Variants in RTTN observed in about 807,000 individuals in gnomAD.
RTTN encodes rotatin.
Under a neutral mutation model 269.2 loss-of-function variants are expected in RTTN, and 182 were observed. The ratio of observed to expected loss-of-function variants is 0.68; its 90% CI spans 0.60 to 0.76. The LOEUF is 0.76. Among genes scored for constraint, RTTN ranks in the 30% least tolerant of loss-of-function variants. RTTN has a pLI of 0.00. For synonymous variants in RTTN, 1,006 were observed against 963.5 expected, an observed-to-expected ratio of 1.04 and a Z score of -0.82; for missense variants, 2,545 against 2,608.6, an observed-to-expected ratio of 0.98 and a Z score of 0.53.
chr18:70,108,120 G>T (rs4891807), intron 28 of RTTN, among the ~76,000 whole-genome samples: 126,308 of 152,032 alleles, frequency 0.83, 55,585 homozygotes, highest in East Asian at 1. Flanking sequence ...CTACTAAAAA[G>T]ACAAAAATTA....
chr18:70,156,381 A>G (rs2060676722), intron 14 of RTTN, among the ~76,000 whole-genome samples: 1 of 152,044 alleles, frequency 6.6e-6, no homozygotes, highest in Admixed American at 6.5e-5. Context: ...CCATCTAATA[A>G]ATTTTGGTCA....
At chr18:70,142,147 C>T in intron 19 of RTTN, 141 bp downstream of exon 19, 1 of 582,840 alleles carries the variant, frequency 1.7e-6, no homozygotes, top group Non-Finnish European at 3.0e-6. Context: ...ATGCAAAAAC[C>T]ATTCTTGAGG....
At position 70,169,061 on chromosome 18, in the gene RTTN, C is replaced by T. The variant is rs200326656; in HGVS notation, c.1483G>A (p.Glu495Lys). The T allele has an allele frequency of 3.9e-5, 61 of 1,581,156 alleles. No homozygotes were observed. In the Admixed American group the frequency reaches 4.6e-4, roughly 12 times the overall value. Residue 495 changes from glutamate (E) to lysine (K), a missense_variant, in exon 12 of 49, where the codon GAG (glutamate) becomes AAG (lysine). Glu to Lys is a moderately conservative substitution (Grantham distance 56, BLOSUM62 1). Transcript: ENST00000640769. ...QTLLPVEKASEFLSEPMSTAL... is the reference protein window; with the variant it reads ...QTLLPVEKASKFLSEPMSTAL... ...GTTGACATAGGCTCTGATAAAAACT[C>T]GCTTGCCTTGGTGAATTAAAAAAAC...
chr18:70,013,781 C>T (rs187345175), intron 46 of RTTN, among the ~76,000 whole-genome samples: 6 of 152,212 alleles, frequency 3.9e-5, no homozygotes, highest in Admixed American at 2.6e-4. Flanking sequence ...GTTATGGTGA[C>T]ATTAATGTCT....
chr18:70,075,620 G>A (rs907539298), intron 32 of RTTN, 79 bp from the exon 33 acceptor site: 10 of 1,187,988 alleles, frequency 8.4e-6, no homozygotes, highest in African/African-American at 6.3e-5. Context: ...GTCTCCTCTC[G>A]AGGAAACAAA....
chr18:70,028,770 G>T lies in RTTN; in HGVS notation c.5777C>A (p.Ala1926Asp). Residue 1926 changes from alanine (A) to aspartate (D), a missense_variant, in exon 43 of 49, where the codon GCC becomes GAC. Transcript: ENST00000640769. ...EDGVIKELSI[A>D]MQLLRNCLYQ... ...AAGACAGTTTCTTAGGAGCTGCATG[G>T]CAATGCTTAACTCTTTAATAACACC... 1 of 1,611,692 alleles carries T rather than the reference G, an allele frequency of 6.2e-7. No homozygotes were observed. The highest frequency in any genetic ancestry group is 8.5e-7 in the Non-Finnish European group (1 of 1,178,514).
rs76571197 is a variant in RTTN, at chr18:70,107,364, C to T, written c.3903+2134G>A. ...TGTTCCAGAAGGATCACAGGAAATT[C>T]TGCCAAGATTTAGATTGGCTGTAGT... On this transcript the variant is annotated intron_variant, in intron 28 of 48. Coordinates refer to ENST00000640769, the MANE Select transcript of RTTN (RefSeq NM_173630.4). Among the ~76,000 whole-genome samples, 62 of 152,336 alleles carry T rather than the reference C, an allele frequency of 4.1e-4. 1 individual carries two copies. The highest frequency in any genetic ancestry group is 1.4e-3 in the African/African-American group (58 of 41,574).
intron 4 of RTTN, 24 bp from the exon 5 acceptor site, chr18:70,199,528 A>G (rs1409459278): frequency 6.8e-7 from 1 of 1,462,232 alleles, no homozygotes. Context: ...AGCAAATCTT[A>G]TGGTATCAAA....
intron 10 of RTTN, among the ~76,000 whole-genome samples, chr18:70,181,127 CCTCTTGAAGTCCTACCAA>C (rs1374969651): frequency 5.3e-5 from 8 of 152,136 alleles, no homozygotes; most frequent in African/African-American, 1.9e-4. Flanking sequence ...CCTCTTAGCC[CCTCTTGAAGTCCTACCAA>C]CATTCTACAA....
At chr18:70,198,833 A>T (rs1051270673) in intron 5 of RTTN, among the ~76,000 whole-genome samples, 4 of 152,186 alleles carry the variant, frequency 2.6e-5, no homozygotes, top group South Asian at 2.1e-4. Context: ...GGCCAATAAG[A>T]GAATCTGGCC....
intron 28 of RTTN, among the ~76,000 whole-genome samples, chr18:70,099,052 T>C (rs1430361308): frequency 6.6e-6 from 1 of 151,912 alleles, no homozygotes; most frequent in Non-Finnish European, 1.5e-5. Flanking sequence ...CTGATGGACA[T>C]TTGGGCTAGT....
At chr18:70,113,179 A>G (rs561445345) in intron 27 of RTTN, among the ~76,000 whole-genome samples, 6 of 152,186 alleles carry the variant, frequency 3.9e-5, no homozygotes, top group Middle Eastern at 3.4e-3. Context: ...AAAACAAAAC[A>G]AAACAAAAAA....
At chr18:70,014,128 A>C (rs2056473107) in intron 46 of RTTN, among the ~76,000 whole-genome samples, 2 of 152,204 alleles carry the variant, frequency 1.3e-5, no homozygotes. Flanking sequence ...CTATTTAATA[A>C]GATAGCCACT....
intron 21 of RTTN, 132 bp downstream of exon 21, chr18:70,139,467 A>G: frequency 1.7e-6 from 1 of 602,026 alleles, no homozygotes; most frequent in Non-Finnish European, 2.9e-6. Flanking sequence ...TTCCATTTAC[A>G]TTAGTAGTGT....
At chr18:70,145,258 A>G (rs1027201776) in intron 18 of RTTN, among the ~76,000 whole-genome samples, 2 of 152,246 alleles carry the variant, frequency 1.3e-5, no homozygotes, top group African/African-American at 4.8e-5. Flanking sequence ...CTGATTCTAC[A>G]TTATGGTGAG....
intron 46 of RTTN, among the ~76,000 whole-genome samples, chr18:70,013,349 A>G (rs902889564): frequency 7.0e-6 from 1 of 142,252 alleles, no homozygotes; most frequent in African/African-American, 3.1e-5. Context: ...GCTATCCCTT[A>G]AAGCATTTTT....
intron 40 of RTTN, among the ~76,000 whole-genome samples, chr18:70,047,152 T>A (rs2057514238): frequency 6.6e-6 from 1 of 152,192 alleles, no homozygotes; most frequent in African/African-American, 2.4e-5. Context: ...ACAGACAATC[T>A]TCTATCTTTG....
At chr18:70,036,274 G>T (rs2057168848) in intron 40 of RTTN, among the ~76,000 whole-genome samples, 2 of 152,166 alleles carry the variant, frequency 1.3e-5, no homozygotes, top group South Asian at 4.1e-4. Context: ...ATCTGCAATG[G>T]TAAAGACATG....
chr18:70,072,929 T>G (rs969041949), intron 34 of RTTN, among the ~76,000 whole-genome samples: 3 of 152,008 alleles, frequency 2.0e-5, no homozygotes, highest in African/African-American at 7.2e-5. Context: ...CATACAAAGG[T>G]CCAATGTAGC....
Sources: gnomAD v4.1 joint callset for allele counts (sites outside exome capture counted in the v4.1 genomes callset) on GRCh38, gnomAD v4.1.1 for gene constraint, MANE v1.5 for transcripts, NCBI Gene and HGNC (gene_info 2026-07-23, HGNC 2026-07-21) for gene names.